SCAPER: variants seen among roughly 807,000 people sequenced by gnomAD.
SCAPER encodes S-phase cyclin A associated protein in the ER, also known as S phase cyclin A-associated protein in the endoplasmic reticulum.
A neutral mutation model predicts 182.2 loss-of-function variants in SCAPER; 98 were observed. That is an observed-to-expected ratio of 0.54 (90% confidence interval 0.46 to 0.64). SCAPER has a LOEUF of 0.64. Ranked by LOEUF, SCAPER falls within the 30% of genes least tolerant of loss-of-function variation. The pLI is 0.00. For missense variants in SCAPER, 1,432 were observed against 1,690.0 expected (o/e 0.85, Z 2.68); for synonymous variants, 605 against 564.6 (o/e 1.07, Z -1.01).
chr15:76,401,614 G>T (rs566263168), intron 27 of SCAPER, among the ~76,000 whole-genome samples: 8 of 152,188 alleles, frequency 5.3e-5, no homozygotes, highest in African/African-American at 1.9e-4. Flanking sequence ...CACCTCCCAA[G>T]AACTAACATT....
chr15:76,642,683 T>C (rs771490057), intron 21 of SCAPER, among the ~76,000 whole-genome samples: 6 of 152,190 alleles, frequency 3.9e-5, no homozygotes, highest in Non-Finnish European at 5.9e-5. Flanking sequence ...TTATTATCTA[T>C]AGTATAGTGG....
At chr15:76,471,155 C>T (rs2050132682) in intron 25 of SCAPER, 57 bp downstream of exon 25, 16 of 1,403,320 alleles carry the variant, frequency 1.1e-5, no homozygotes, top group Non-Finnish European at 1.5e-5. Context: ...GTTTTCTCCA[C>T]AGGGACTATT....
intron 17 of SCAPER, among the ~76,000 whole-genome samples, chr15:76,715,691 G>A (rs1397739867): frequency 6.6e-6 from 1 of 152,026 alleles, no homozygotes; most frequent in East Asian, 1.9e-4. Flanking sequence ...TTACCCAGTT[G>A]GTTCTGGATC....
chr15:76,377,613 A>G (rs1007109898), intron 28 of SCAPER, among the ~76,000 whole-genome samples: 10 of 152,360 alleles, frequency 6.6e-5, no homozygotes, highest in Middle Eastern at 6.8e-3. Flanking sequence ...ACTGAATGCA[A>G]TATACAATAT....
chr15:76,495,960 A>G (rs2040460697), intron 24 of SCAPER, among the ~76,000 whole-genome samples: 1 of 150,182 alleles, frequency 6.7e-6, no homozygotes, highest in African/African-American at 2.5e-5. Flanking sequence ...CCAGGATTTG[A>G]GAGGGAGAAA....
At chr15:76,831,057 A>T in intron 5 of SCAPER, among the ~76,000 whole-genome samples, 1 of 152,150 alleles carries the variant, frequency 6.6e-6, no homozygotes, top group East Asian at 1.9e-4. Flanking sequence ...GATGGCAGGG[A>T]GAACTGCCTG....
chr15:76,696,534 T>C (rs1598217296), intron 20 of SCAPER, among the ~76,000 whole-genome samples: 1 of 152,144 alleles, frequency 6.6e-6, no homozygotes, highest in Non-Finnish European at 1.5e-5. Context: ...ACAATGTACA[T>C]GCTTTTAAAG....
rs191845168 is a variant in SCAPER at position 76,604,475 on chromosome 15, G to A, written c.2711+17289C>T. On this transcript the variant is annotated intron_variant, in intron 22 of 31. Coordinates refer to ENST00000563290, the MANE Select transcript of SCAPER (RefSeq NM_020843.4). ...AGGTAAGCGGGATGCCTCCAGCTTC[G>A]TTCTTTTGCCTTAGGATTGACTTGG... Among the ~76,000 whole-genome samples, 132 of 120,448 alleles carry A rather than the reference G, an allele frequency of 1.1e-3. 20 individuals are homozygous for A. The East Asian group carries it at 0.02, about 18-fold the overall frequency. The allele number at this position is 120,448 out of a possible 152,430, so 79.0% of individuals were successfully genotyped here.
At chr15:76,821,624 A>G (rs1260701585) in intron 5 of SCAPER, among the ~76,000 whole-genome samples, 1 of 151,948 alleles carries the variant, frequency 6.6e-6, no homozygotes, top group Admixed American at 6.6e-5. Context: ...ACCTTCTCTC[A>G]AAACAAAACA....
At chr15:76,715,583 C>T (rs1425150190) in intron 17 of SCAPER, among the ~76,000 whole-genome samples, 1 of 152,064 alleles carries the variant, frequency 6.6e-6, no homozygotes, top group Non-Finnish European at 1.5e-5. Context: ...TCCTTGTTGC[C>T]ACTGGACCCA....
chr15:76,843,172 A>T (rs2069653391), intron 4 of SCAPER, among the ~76,000 whole-genome samples: 1 of 152,230 alleles, frequency 6.6e-6, no homozygotes, highest in African/African-American at 2.4e-5. Flanking sequence ...AAAGTATATC[A>T]TTCAAATATT....
intron 23 of SCAPER, among the ~76,000 whole-genome samples, chr15:76,560,495 G>A (rs1231871390): frequency 6.6e-6 from 1 of 152,088 alleles, no homozygotes; most frequent in Non-Finnish European, 1.5e-5. Flanking sequence ...TACTGATAAG[G>A]AAACTGACAC....
chr15:76,792,805 G>C (rs987509204), intron 8 of SCAPER, among the ~76,000 whole-genome samples: 3 of 152,290 alleles, frequency 2.0e-5, no homozygotes, highest in Non-Finnish European at 4.4e-5. Flanking sequence ...ATGTGGAAAA[G>C]AAAAGAGCCA....
chr15:76,486,833 A>G (rs1296839637), intron 24 of SCAPER, among the ~76,000 whole-genome samples: 1 of 152,230 alleles, frequency 6.6e-6, no homozygotes. Context: ...CAGCAGTCCC[A>G]CTATTGGATA....
intron 5 of SCAPER, among the ~76,000 whole-genome samples, chr15:76,835,447 A>G (rs2068844669): frequency 6.6e-6 from 1 of 152,192 alleles, no homozygotes; most frequent in East Asian, 1.9e-4. Flanking sequence ...CAAAAACCAC[A>G]TGAGCATCTC....
At chr15:76,599,891 G>A (rs978602621) in intron 22 of SCAPER, among the ~76,000 whole-genome samples, 3 of 121,262 alleles carry the variant, frequency 2.5e-5, no homozygotes, top group African/African-American at 2.5e-5. Context: ...TAAGATCTGC[G>A]CATTTTGTTA....
intron 25 of SCAPER, among the ~76,000 whole-genome samples, chr15:76,450,752 G>A (rs563669170): frequency 1.3e-5 from 2 of 152,184 alleles, no homozygotes; most frequent in South Asian, 4.1e-4. Context: ...ATAGGGTTTT[G>A]TCATATTGCC....
chr15:76,473,954 C>T (rs117798145), intron 24 of SCAPER, among the ~76,000 whole-genome samples: 2,307 of 152,068 alleles, frequency 0.015, 43 homozygotes, highest in South Asian at 0.037. Flanking sequence ...AAGGATTACA[C>T]GCGTGTGCCA....
intron 5 of SCAPER, among the ~76,000 whole-genome samples, chr15:76,808,755 GC>G (rs2066378605): frequency 6.6e-6 from 1 of 152,320 alleles, no homozygotes; most frequent in Non-Finnish European, 1.5e-5. Flanking sequence ...CAGTTAACCT[GC>G]CTATCTCCAA....
Sources: allele counts gnomAD v4.1 joint callset (sites outside exome capture counted in the v4.1 genomes callset), GRCh38; gene constraint gnomAD v4.1.1; transcripts MANE v1.5; gene names NCBI Gene and HGNC (gene_info 2026-07-23, HGNC 2026-07-21).